The following TMEM247 variants were observed in gnomAD, a reference collection of about 807,000 sequenced individuals.
The protein encoded by TMEM247 is transmembrane protein 247, also known as transmembrane protein ENSP00000343375.
A neutral mutation model predicts 20.7 loss-of-function variants in TMEM247; 23 were observed. That is an observed-to-expected ratio of 1.11 (90% CI 0.80 to 1.57). TMEM247 has a LOEUF of 1.57. Ranked by LOEUF, TMEM247 falls within the 40% of genes most tolerant of loss-of-function variation. TMEM247 has a pLI of 0.00. For synonymous variants in TMEM247, 106 were observed against 111.9 expected (o/e 0.95, Z 0.33); for missense variants, 354 against 283.8 (o/e 1.25, Z -1.78).
chr2:46,481,178 T>G (rs1407765758), intron 2 of TMEM247, among the ~76,000 whole-genome samples: 1 of 152,160 alleles, frequency 6.6e-6, no homozygotes, highest in Non-Finnish European at 1.5e-5. Flanking sequence ...CTCTTAAAAT[T>G]TGATGCCTGG....
intron 2 of TMEM247, among the ~76,000 whole-genome samples, chr2:46,483,851 G>C (rs994781771): frequency 1.3e-5 from 2 of 152,164 alleles, no homozygotes; most frequent in African/African-American, 4.8e-5. Context: ...TTAGTGGCAT[G>C]AGCATAGCTC....
At chr2:46,480,550 A>C in exon 2 of TMEM247, 1 of 1,551,728 alleles carries the variant, frequency 6.4e-7, no homozygotes. Flanking sequence ...GACGGACCCA[A>C]ACCCGCAGAG....
chr2:46,482,948 G>A (rs1686916880), intron 2 of TMEM247, among the ~76,000 whole-genome samples: 1 of 152,150 alleles, frequency 6.6e-6, no homozygotes, highest in Non-Finnish European at 1.5e-5. Flanking sequence ...CTTACTTTTT[G>A]TGCATTTACT....
At chr2:46,481,089 C>T (rs1686880166) in intron 2 of TMEM247, among the ~76,000 whole-genome samples, 1 of 152,156 alleles carries the variant, frequency 6.6e-6, no homozygotes, top group African/African-American at 2.4e-5. Context: ...ATCGCCCACC[C>T]GACAGCCTTT....
chr2:46,482,783 G>A (rs2103784365), intron 2 of TMEM247, among the ~76,000 whole-genome samples: 1 of 152,216 alleles, frequency 6.6e-6, no homozygotes, highest in South Asian at 2.1e-4. Flanking sequence ...TGCTTCCTCT[G>A]GTCTCCAACC....
chr2:46,480,505 C>T (rs1268132914), exon 2 of TMEM247: 69 of 1,551,586 alleles, frequency 4.4e-5, no homozygotes, highest in Non-Finnish European at 5.8e-5. Context: ...TCGCTGTCCC[C>T]CAAGTCCTGC....
At chr2:46,483,216 A>G (rs1010642458) in intron 2 of TMEM247, among the ~76,000 whole-genome samples, 27 of 152,232 alleles carry the variant, frequency 1.8e-4, no homozygotes, top group African/African-American at 5.8e-4. Context: ...CTTTTGCCTT[A>G]CTTATACATT....
chr2:46,480,325 C>T, intron 1 of TMEM247, 80 bp from the exon 2 acceptor site: 1 of 1,412,074 alleles, frequency 7.1e-7, no homozygotes, highest in South Asian at 1.5e-5. Flanking sequence ...CGGCCTGGGG[C>T]TGCGGGAGTT....
rs1220384967 is a variant in TMEM247 at position 46,484,128 on chromosome 2, T to C, written c.478-116T>C. On this transcript the variant is annotated intron_variant, in intron 2 of 2. Coordinates refer to ENST00000434431, the Ensembl canonical transcript of TMEM247. ...GAAATGGGCACTATTACCCTTTCTTTAGGTGAAGATGATGACTTGAGGTCA... is the reference window on the plus strand; with the variant it reads ...GAAATGGGCACTATTACCCTTTCTTCAGGTGAAGATGATGACTTGAGGTCA... The C allele has an allele frequency of 2.2e-5, 20 of 917,062 alleles. 1 individual carries two copies. Among genetic ancestry groups the C allele is most frequent in the Middle Eastern group, 3.0e-4 (1 of 3,296 alleles). The allele number at this position is 917,062 out of a possible 1,614,324, so 56.8% of individuals were successfully genotyped here.
intron 1 of TMEM247, among the ~76,000 whole-genome samples, chr2:46,480,151 T>A (rs563202530): frequency 4.6e-5 from 7 of 152,212 alleles, no homozygotes; most frequent in African/African-American, 1.7e-4. Context: ...AAAATGGACA[T>A]CAATCTACTC....
chr2:46,480,913 C>A, intron 2 of TMEM247, 149 bp downstream of exon 2: 1 of 1,169,044 alleles, frequency 8.6e-7, no homozygotes, highest in Non-Finnish European at 1.2e-6. Context: ...AGCATCCACT[C>A]GGGCGGTCTC....
chr2:46,484,166 G>A lies in TMEM247; in HGVS notation c.478-78G>A, dbSNP rs184323085. The A allele has an allele frequency of 9.9e-5, 128 of 1,293,294 alleles. No homozygotes were observed. In the African/African-American group the frequency reaches 1.8e-3, roughly 18 times the overall value. 80.1% of individuals were successfully genotyped at this position (1,293,294 alleles called of 1,614,324 possible). On this transcript the variant is annotated intron_variant, in intron 2 of 2. Transcript: ENST00000434431. ...TGACTTGAGGTCACATACAGGCAGG[G>A]TCAGAGCAGGACTGAACCTAGATCT...
chr2:46,482,035 A>G (rs575464178), intron 2 of TMEM247, among the ~76,000 whole-genome samples: 1 of 152,330 alleles, frequency 6.6e-6, no homozygotes, highest in East Asian at 1.9e-4. Context: ...TACCTATAGC[A>G]TTTCCCCAAT....
At chr2:46,479,588 G>A in exon 1 of TMEM247, 3 of 1,551,578 alleles carry the variant, frequency 1.9e-6, no homozygotes, top group South Asian at 2.4e-5. Flanking sequence ...TTTTCTGGAT[G>A]GCAGCAGAGG....
Position 46,483,573 on chromosome 2 carries a change from C to T in TMEM247, c.478-671C>T, listed in dbSNP as rs375558158. Reference sequence around the variant, plus strand: ...GAGAACACTCCCAAGACCCAACATCCACATGTGGGGCTCTTGGAGTCAGAG... The same window carrying T: ...GAGAACACTCCCAAGACCCAACATCTACATGTGGGGCTCTTGGAGTCAGAG... On this transcript the variant is annotated intron_variant, in intron 2 of 2. Coordinates refer to ENST00000434431, the Ensembl canonical transcript of TMEM247. Among the ~76,000 whole-genome samples the T allele has an allele frequency of 3.3e-5, 5 of 152,322 alleles. No homozygotes were observed. In the East Asian group the frequency reaches 5.8e-4, roughly 18 times the overall value.
chr2:46,480,992 G>A (rs1686878444), intron 2 of TMEM247, among the ~76,000 whole-genome samples: 1 of 152,122 alleles, frequency 6.6e-6, no homozygotes, highest in South Asian at 2.1e-4. Context: ...TACCCTACCT[G>A]GCCAGCTCTG....
intron 2 of TMEM247, among the ~76,000 whole-genome samples, chr2:46,481,781 G>A (rs1484195259): frequency 1.3e-5 from 2 of 152,132 alleles, no homozygotes; most frequent in Non-Finnish European, 2.9e-5. Context: ...TATTAGCTGT[G>A]CTTCCCAGCT....
intron 2 of TMEM247, among the ~76,000 whole-genome samples, chr2:46,483,395 A>G (rs1686926640): frequency 1.3e-5 from 2 of 152,206 alleles, no homozygotes; most frequent in Admixed American, 1.3e-4. Flanking sequence ...ACCTGCCTCC[A>G]AGAGACACCA....
chr2:46,479,623 G>A, exon 1 of TMEM247: 5 of 1,551,748 alleles, frequency 3.2e-6, no homozygotes, highest in Non-Finnish European at 4.4e-6. Flanking sequence ...GAAGCCCGGG[G>A]TGCGGGAGAA....
Sources: gnomAD v4.1 joint callset for allele counts (sites outside exome capture counted in the v4.1 genomes callset) on GRCh38, gnomAD v4.1.1 for gene constraint, MANE v1.5 for transcripts, NCBI Gene and HGNC (gene_info 2026-07-23, HGNC 2026-07-21) for gene names.